Variants in AOAH observed in about 807,000 individuals in gnomAD.
AOAH encodes acyloxyacyl hydrolase (neutrophil).
Under a neutral mutation model 92.2 loss-of-function variants are expected in AOAH, and 64 were observed. The ratio of observed to expected loss-of-function variants is 0.69; its 90% CI spans 0.57 to 0.86. The LOEUF is 0.86. Among genes scored for constraint, AOAH ranks in the 40% least tolerant of loss-of-function variants. The probability of loss-of-function intolerance (pLI) is 0.00; values close to 1 mark genes in which losing one functional copy is unlikely to be tolerated. For missense variants in AOAH, 656 were observed against 694.6 expected (o/e 0.94, Z 0.62); for synonymous variants, 263 against 254.5 (o/e 1.03, Z -0.32).
At chr7:36,636,967 GT>G (rs1373070086) in intron 5 of AOAH, among the ~76,000 whole-genome samples, 1 of 152,192 alleles carries the variant, frequency 6.6e-6, no homozygotes, top group African/African-American at 2.4e-5. Flanking sequence ...CAAGGACGAG[GT>G]CTTTGCCCTC....
At chr7:36,721,665 C>T (rs1316499541) in intron 1 of AOAH, among the ~76,000 whole-genome samples, 1 of 152,160 alleles carries the variant, frequency 6.6e-6, no homozygotes, top group African/African-American at 2.4e-5. Flanking sequence ...CATCCTCAAA[C>T]CTAATCAGCA....
Position 36,575,068 on chromosome 7 carries a change from G to T in AOAH, c.1021+1506C>A, listed in dbSNP as rs76062048. Reference sequence around the variant, plus strand: ...TCATTGACAGAGGGTATTTGACAGTGTTGGGGGGCTGTTTCAGTATGTCAC... The same window carrying T: ...TCATTGACAGAGGGTATTTGACAGTTTTGGGGGGCTGTTTCAGTATGTCAC... On this transcript the variant is annotated intron_variant, in intron 13 of 20. Coordinates refer to ENST00000617537, the MANE Select transcript of AOAH (RefSeq NM_001637.4). 5.1e-3 allele frequency among the ~76,000 whole-genome samples: 771 copies of T among 151,886 alleles called. 1 individual carries two copies. Among genetic ancestry groups the T allele is most frequent in the Non-Finnish European group, 9.3e-3 (630 of 67,974 alleles).
intron 3 of AOAH, among the ~76,000 whole-genome samples, chr7:36,660,139 C>T (rs913956038): frequency 3.9e-5 from 6 of 152,194 alleles, no homozygotes; most frequent in Admixed American, 3.3e-4. Flanking sequence ...AAAGCAACCG[C>T]TTCCCCATCT....
At chr7:36,684,906 C>CAAAAAAA (rs57827044) in intron 2 of AOAH, among the ~76,000 whole-genome samples, 9 of 59,988 alleles carry the variant, frequency 1.5e-4, no homozygotes, top group Admixed American at 3.1e-4. Context: ...GACCTTGTCT[C>CAAAAAAA]AAAAAAAAAA....
chr7:36,575,007 G>C (rs1394733979), intron 13 of AOAH, among the ~76,000 whole-genome samples: 1 of 122,936 alleles, frequency 8.1e-6, no homozygotes, highest in Non-Finnish European at 1.8e-5. Flanking sequence ...ATTCCTCACA[G>C]ATGATTTTTT....
intron 6 of AOAH, among the ~76,000 whole-genome samples, chr7:36,627,571 G>A (rs934788945): frequency 6.6e-6 from 1 of 151,256 alleles, no homozygotes; most frequent in South Asian, 2.1e-4. Context: ...CAAAACACAT[G>A]AGCTCTTACT....
At chr7:36,637,989 T>C in intron 4 of AOAH, 79 bp from the exon 5 acceptor site, 1 of 1,205,370 alleles carries the variant, frequency 8.3e-7, no homozygotes, top group Non-Finnish European at 1.2e-6. Flanking sequence ...TTAGGATATT[T>C]AAAGTCCATA....
chr7:36,536,812 G>T lies in AOAH; in HGVS notation c.1306+3507C>A, dbSNP rs200599956. Among the ~76,000 whole-genome samples, 6 of 151,904 alleles carry T rather than the reference G, an allele frequency of 3.9e-5. No homozygotes were observed. The East Asian group carries it at 1.2e-3, about 29-fold the overall frequency. On this transcript the variant is annotated intron_variant, in intron 16 of 20. Coordinates refer to ENST00000617537, the MANE Select transcript of AOAH (RefSeq NM_001637.4). Reference sequence around the variant, plus strand: ...AAAAATACAAAAATTAGCCCAGTGTGTTAGCAGGCGCCTGTAATCCCAGCT... The same window carrying T: ...AAAAATACAAAAATTAGCCCAGTGTTTTAGCAGGCGCCTGTAATCCCAGCT...
chr7:36,614,700 C>T lies in AOAH; in HGVS notation c.846+1680G>A, dbSNP rs1791731941. 6.6e-6 allele frequency among the ~76,000 whole-genome samples: 1 copy of T among 152,220 alleles called. No individual in the cohort carries two copies. Among genetic ancestry groups the T allele is most frequent in the African/African-American group, 2.4e-5 (1 of 41,456 alleles). ...TTTGGTCCTTTTGGGAATCTGGGCACAGGCAAGAGGAAGATTGGGGTTGGG... is the reference window on the plus strand; with the variant it reads ...TTTGGTCCTTTTGGGAATCTGGGCATAGGCAAGAGGAAGATTGGGGTTGGG... On this transcript the variant is annotated intron_variant, in intron 11 of 20. Coordinates refer to ENST00000617537, the MANE Select transcript of AOAH (RefSeq NM_001637.4). This position sits in a 1 kb window ranked among gnomAD's most constrained non-coding sequence, Gnocchi z 4.2.
At chr7:36,686,871 C>CGTGT (rs35260531) in intron 1 of AOAH, 77 bp from the exon 2 acceptor site, 284 of 520,234 alleles carry the variant, frequency 5.5e-4, no homozygotes, top group Non-Finnish European at 7.8e-4. Context: ...AGAAAGGATG[C>CGTGT]GTGTGTGTGT....
intron 1 of AOAH, among the ~76,000 whole-genome samples, chr7:36,703,041 A>G (rs972698564): frequency 2.6e-5 from 4 of 152,174 alleles, no homozygotes; most frequent in African/African-American, 9.7e-5. Flanking sequence ...TTCAAAAAAC[A>G]TCTTTATTTG....
chr7:36,643,681 C>T (rs1794047388), intron 4 of AOAH, among the ~76,000 whole-genome samples: 1 of 152,176 alleles, frequency 6.6e-6, no homozygotes, highest in African/African-American at 2.4e-5. Context: ...GCCCGAATCT[C>T]ATGTCGAATT....
In AOAH at chr7:36,714,371, G is replaced by T. The variant is rs541935929; in HGVS notation, c.127+9651C>A. Among the ~76,000 whole-genome samples the T allele has an allele frequency of 3.3e-5, 5 of 152,272 alleles. No homozygotes were observed. The East Asian group carries it at 9.7e-4, about 29-fold the overall frequency. ...ACCAAAAAAAGTCCAGGACCAGATG[G>T]ATTCACAGCCGAATTCTACCAGAGG... On this transcript the variant is annotated intron_variant, in intron 1 of 20. Coordinates refer to ENST00000617537, the MANE Select transcript of AOAH (RefSeq NM_001637.4).
At position 36,576,630 on chromosome 7, in the gene AOAH, C is replaced by G. The variant is rs375296715; in HGVS notation, c.965G>C (p.Arg322Pro). 6.4e-7 allele frequency: 1 copy of G among 1,570,380 alleles called. No homozygotes were observed. The highest frequency in any genetic ancestry group is 1.2e-5 in the South Asian group (1 of 85,908). ...VGIKEKSIYLRLWKRNHCNHR... is the reference protein window; with the variant it reads ...VGIKEKSIYLPLWKRNHCNHR... ...ATTACAGTGGTTTCTTTTCCATAAGCGAAGGTAAATAGATTTTTCTTTAAT... is the reference window on the plus strand; with the variant it reads ...ATTACAGTGGTTTCTTTTCCATAAGGGAAGGTAAATAGATTTTTCTTTAAT... The change falls in exon 13 of 21, where the codon CGC (arginine) becomes CCC (proline). Residue 322 changes from arginine to proline, a missense_variant. Arg to Pro is a moderately radical substitution (Grantham distance 103, BLOSUM62 -2). Coordinates refer to ENST00000617537, the MANE Select transcript of AOAH (RefSeq NM_001637.4).
Position 36,620,406 on chromosome 7 carries a change from G to GA in AOAH, c.702+374dup, listed in dbSNP as rs34474544. On this transcript the variant is annotated intron_variant, in intron 9 of 20. Coordinates refer to ENST00000617537, the MANE Select transcript of AOAH (RefSeq NM_001637.4). ...TCTGCCCGGCTAGGCTTATGAAACA[G>GA]AAAAAAAAAAATGGCTGCAACAAAA... Among the ~76,000 whole-genome samples, 603 of 145,438 alleles carry GA rather than the reference G, an allele frequency of 4.1e-3. 1 individual carries two copies. The highest frequency in any genetic ancestry group is 0.012 in the African/African-American group (491 of 40,034).
intron 19 of AOAH, among the ~76,000 whole-genome samples, chr7:36,528,987 G>A (rs1390833482): frequency 2.6e-5 from 4 of 152,186 alleles, no homozygotes; most frequent in African/African-American, 9.7e-5. Context: ...CCTGGGTGGT[G>A]TTGATTTTGC....
At chr7:36,553,113 T>TC (rs1388467184) in intron 13 of AOAH, among the ~76,000 whole-genome samples, 1 of 91,806 alleles carries the variant, frequency 1.1e-5, no homozygotes, top group Admixed American at 1.4e-4. Context: ...ATGCTATCCC[T>TC]CCCCCCTCCC....
At chr7:36,606,577 C>G (rs1234279600) in intron 11 of AOAH, among the ~76,000 whole-genome samples, 1 of 152,152 alleles carries the variant, frequency 6.6e-6, no homozygotes. Flanking sequence ...ACCCCCTCCC[C>G]CAACCTGTCA....
intron 13 of AOAH, among the ~76,000 whole-genome samples, chr7:36,565,230 C>G (rs1032315311): frequency 1.3e-5 from 2 of 152,036 alleles, no homozygotes; most frequent in Non-Finnish European, 1.5e-5. Context: ...GCTGTCACCA[C>G]TCTGTATCAA....
Sources: gnomAD v4.1 joint callset for allele counts (sites outside exome capture counted in the v4.1 genomes callset) on GRCh38, gnomAD v4.1.1 for gene constraint, Gnocchi (gnomAD v3.1) non-coding constraint, MANE v1.5 for transcripts, NCBI Gene and HGNC (gene_info 2026-07-23, HGNC 2026-07-21) for gene names.